Variants in GLI2 observed in about 807,000 individuals in gnomAD.
The protein encoded by GLI2 is GLI family zinc finger 2.
GLI2 carries 22 observed loss-of-function variants against 78.9 expected under a neutral mutation model. The ratio of observed to expected loss-of-function variants is 0.28; its 90% CI spans 0.20 to 0.40. GLI2 has a LOEUF of 0.40. Ranked by LOEUF, GLI2 falls within the 10% of genes least tolerant of loss-of-function variation. GLI2 has a pLI of 1.00. For synonymous variants in GLI2, 974 were observed against 963.7 expected, an observed-to-expected ratio of 1.01 and a Z score of -0.20; for missense variants, 2,097 against 2,213.2, an observed-to-expected ratio of 0.95 and a Z score of 1.05.
Position 120,847,761 on chromosome 2 carries a change from C to CGG in GLI2, c.148+50299_148+50300dup, listed in dbSNP as rs138384184. On this transcript the variant is annotated intron_variant, in intron 2 of 13. Coordinates refer to ENST00000361492, the MANE Select transcript of GLI2 (RefSeq NM_001374353.1). ...GCCTTGGCTGCGTGGGGGGCAGGGG[C>CGG]GGGGGGGCGGTGGTTCCTATTTGGA... Among the ~76,000 whole-genome samples, 318 of 103,844 alleles carry CGG rather than the reference C, an allele frequency of 3.1e-3. 1 individual carries two copies. Among genetic ancestry groups the CGG allele is most frequent in the Middle Eastern group, 0.012 (3 of 256 alleles). The allele number at this position is 103,844 out of a possible 152,430, so 68.1% of individuals were successfully genotyped here. A position where few individuals can be genotyped will look rare whatever the true frequency, so the allele number is the denominator to read the frequency against.
intron 3 of GLI2, among the ~76,000 whole-genome samples, chr2:120,949,458 C>G (rs1680875089): frequency 6.6e-6 from 1 of 152,078 alleles, no homozygotes; most frequent in Admixed American, 6.5e-5. Context: ...CGGACATGCC[C>G]TGCTCCCAGG....
chr2:120,857,507 G>GCCCACCCACCGA (rs1687716533), intron 2 of GLI2, among the ~76,000 whole-genome samples: 1 of 30,236 alleles, frequency 3.3e-5, no homozygotes, highest in African/African-American at 1.3e-4. Context: ...CCATCTGCCC[G>GCCCACCCACCGA]CCCACCCACC....
At chr2:120,988,079 T>C (rs930458666) in intron 13 of GLI2, 129 bp from the exon 14 acceptor site, 5 of 723,374 alleles carry the variant, frequency 6.9e-6, no homozygotes, top group Non-Finnish European at 1.1e-5. Context: ...AAAGAAAGCA[T>C]GCATCTCCTG....
At chr2:120,814,781 C>T (rs1285053558) in intron 2 of GLI2, among the ~76,000 whole-genome samples, 1 of 136,644 alleles carries the variant, frequency 7.3e-6, no homozygotes, top group Non-Finnish European at 1.6e-5. Context: ...TGCCCCCGCC[C>T]GCCCCACCCC....
chr2:120,891,195 C>T (rs1049182057), intron 2 of GLI2, among the ~76,000 whole-genome samples: 1 of 152,120 alleles, frequency 6.6e-6, no homozygotes, highest in South Asian at 2.1e-4. Flanking sequence ...ACCCCTCACC[C>T]AGGAGTGGGT....
intron 2 of GLI2, among the ~76,000 whole-genome samples, chr2:120,882,912 G>A (rs984611681): frequency 2.0e-5 from 3 of 152,020 alleles, no homozygotes; most frequent in Non-Finnish European, 4.4e-5. Flanking sequence ...ATACGGTTGT[G>A]TAACCATCAC....
rs189029283 is a variant in GLI2, at chr2:120,879,561, C to T, written c.149-47800C>T. On this transcript the variant is annotated intron_variant, in intron 2 of 13. Transcript: ENST00000361492. Reference sequence around the variant, plus strand: ...GGAGGAGGATGGTGTCCACAGTGGTCGGATGGCACCCCAGCCAGGCCACGG... The same window carrying T: ...GGAGGAGGATGGTGTCCACAGTGGTTGGATGGCACCCCAGCCAGGCCACGG... 4.2e-3 allele frequency among the ~76,000 whole-genome samples: 646 copies of T among 152,248 alleles called. 4 individuals are homozygous for T. Among genetic ancestry groups the T allele is most frequent in the Non-Finnish European group, 6.5e-3 (440 of 68,008 alleles).
rs921728364 is a variant in GLI2 at position 120,873,075 on chromosome 2, T to G, written c.149-54286T>G. Among the ~76,000 whole-genome samples the G allele has an allele frequency of 3.3e-5, 5 of 152,344 alleles. No individual in the cohort carries two copies. In the East Asian group the frequency reaches 9.6e-4, roughly 29 times the overall value. On this transcript the variant is annotated intron_variant, in intron 2 of 13. Coordinates refer to ENST00000361492, the MANE Select transcript of GLI2 (RefSeq NM_001374353.1). ...TATTCACACACACATACCTGCCTGCTTTTTACAAAATGGGATTATATTGTG... is the reference window on the plus strand; with the variant it reads ...TATTCACACACACATACCTGCCTGCGTTTTACAAAATGGGATTATATTGTG...
chr2:120,986,536 T>A lies in GLI2; in HGVS notation c.2164T>A (p.Ser722Thr), dbSNP rs746181717. Residue 722 changes from serine (S) to threonine (T), a missense_variant, in exon 13 of 14, where the codon TCA (serine) becomes ACA (threonine). By Grantham distance (58) the Ser-to-Thr change is moderately conservative. Around this residue, in one of 5 missense-constraint regions of GLI2, gnomAD observed 1,290 missense variants for 1,261.7 expected, o/e 1.02. Transcript: ENST00000361492. ...FEQLKKEKLK[S>T]LKDSCSWAGP... is the part of the protein sequence containing the mutation. ...GCAGCTCAAGAAGGAGAAGCTCAAGTCACTCAAGGATTCCTGCTCATGGGC... is the reference window on the plus strand; with the variant it reads ...GCAGCTCAAGAAGGAGAAGCTCAAGACACTCAAGGATTCCTGCTCATGGGC... 3 of 1,613,978 alleles carry A rather than the reference T, an allele frequency of 1.9e-6. 1 individual carries two copies. The South Asian group carries it at 3.3e-5, about 18-fold the overall frequency.
intron 2 of GLI2, among the ~76,000 whole-genome samples, chr2:120,923,387 C>CACATGCATACA (rs1216305867): frequency 6.6e-6 from 1 of 152,072 alleles, no homozygotes; most frequent in East Asian, 1.9e-4. Flanking sequence ...CACACAGCAA[C>CACATGCATACA]ACATGCATAC....
intron 2 of GLI2, among the ~76,000 whole-genome samples, chr2:120,881,702 A>G (rs1677146500): frequency 2.6e-5 from 2 of 78,212 alleles, no homozygotes; most frequent in African/African-American, 5.3e-5. Context: ...AGTCGGGAGG[A>G]CAGTGGGGAG....
In GLI2 at chr2:120,955,350, C is replaced by T. The variant is rs147419287; in HGVS notation, c.563C>T (p.Ala188Val). 6.7e-5 allele frequency: 108 copies of T among 1,612,948 alleles called. No individual in the cohort carries two copies. The highest frequency in any genetic ancestry group is 6.7e-5 in the East Asian group (3 of 44,838). The change falls in exon 5 of 14, where the codon GCG (alanine) becomes GTG (valine). Residue 188 changes from alanine (A) to valine (V), a missense_variant. Physicochemically the swap from Ala to Val is moderately conservative, Grantham distance 64 (BLOSUM62 0). Coordinates refer to ENST00000361492, the MANE Select transcript of GLI2 (RefSeq NM_001374353.1). ...HQMTLVAGHPAPYGDLLMQSG... is the reference protein window; with the variant it reads ...HQMTLVAGHPVPYGDLLMQSG... Reference sequence around the variant, plus strand: ...ATGACCCTCGTGGCAGGCCACCCCGCGCCCTACGGGGACCTGCTGATGCAG... The same window carrying T: ...ATGACCCTCGTGGCAGGCCACCCCGTGCCCTACGGGGACCTGCTGATGCAG...
At chr2:120,974,459 C>G (rs280200) in intron 8 of GLI2, among the ~76,000 whole-genome samples, 142,864 of 152,234 alleles carry the variant, frequency 0.94, 67,667 homozygotes, top group East Asian at 1. Flanking sequence ...GTGATCAGGT[C>G]AAGGAATGTC....
rs142191037 is a variant in GLI2, at chr2:120,875,986, G to A, written c.149-51375G>A. ...AGGGAAAGAATGGACTGTTCAGTAG[G>A]CAGTGCTGAGACAATTGGTTATGGA... On this transcript the variant is annotated intron_variant, in intron 2 of 13. Transcript: ENST00000361492. Among the ~76,000 whole-genome samples the A allele has an allele frequency of 3.7e-3, 569 of 152,294 alleles. 3 individuals are homozygous for A. Among genetic ancestry groups the A allele is most frequent in the African/African-American group, 0.013 (542 of 41,554 alleles).
intron 2 of GLI2, among the ~76,000 whole-genome samples, chr2:120,920,715 A>ATT (rs11379346): frequency 2.5e-4 from 37 of 150,418 alleles, no homozygotes; most frequent in Admixed American, 4.6e-4. Flanking sequence ...ACAAATGTGC[A>ATT]TTTTTTTTTC....
intron 1 of GLI2, among the ~76,000 whole-genome samples, chr2:120,754,476 T>G (rs1330704027): frequency 4.0e-5 from 6 of 151,832 alleles, no homozygotes; most frequent in African/African-American, 1.5e-4. Flanking sequence ...ACCACTGATC[T>G]GCTTCCTGTC....
intron 2 of GLI2, among the ~76,000 whole-genome samples, chr2:120,888,334 T>C (rs1677515091): frequency 1.3e-5 from 2 of 152,246 alleles, no homozygotes; most frequent in Non-Finnish European, 2.9e-5. Flanking sequence ...GGTATTTTCC[T>C]GGGACATCTG....
intron 2 of GLI2, among the ~76,000 whole-genome samples, chr2:120,919,104 C>A (rs982256615): frequency 6.6e-6 from 1 of 152,166 alleles, no homozygotes; most frequent in African/African-American, 2.4e-5. Context: ...CTAGGTCCTT[C>A]CATTAGGAGA....
intron 2 of GLI2, among the ~76,000 whole-genome samples, chr2:120,870,644 T>G (rs1688379995): frequency 6.6e-6 from 1 of 152,152 alleles, no homozygotes; most frequent in Admixed American, 6.5e-5. Context: ...AGCTGACCAC[T>G]TGCCCTTGAT....
Sources: gnomAD v4.1 joint callset for allele counts (sites outside exome capture counted in the v4.1 genomes callset) on GRCh38, gnomAD v4.1.1 for gene constraint, gnomAD v4.1.1 regional missense constraint, MANE v1.5 for transcripts, NCBI Gene and HGNC (gene_info 2026-07-23, HGNC 2026-07-21) for gene names.